KHDRBS2: variants seen among roughly 807,000 people sequenced by gnomAD.
The protein encoded by KHDRBS2 is KH domain-containing, RNA-binding, signal transduction-associated protein 2.
Under a neutral mutation model 44.3 loss-of-function variants are expected in KHDRBS2, and 26 were observed. The ratio of observed to expected loss-of-function variants is 0.59; its 90% CI spans 0.43 to 0.81. The LOEUF is 0.81. Ranked by LOEUF, KHDRBS2 falls within the 40% of genes least tolerant of loss-of-function variation. The pLI is 0.00. For synonymous variants in KHDRBS2, 194 were observed against 151.1 expected (o/e 1.28, Z -2.08); for missense variants, 476 against 433.1 (o/e 1.10, Z -0.88).
intron 6 of KHDRBS2, among the ~76,000 whole-genome samples, chr6:61,819,676 G>C (rs534211924): frequency 6.6e-5 from 10 of 151,974 alleles, no homozygotes; most frequent in Non-Finnish European, 8.8e-5. Context: ...TTCAATATTA[G>C]AGAAAGCAAA....
At chr6:62,025,166 G>A (rs1029556885) in intron 3 of KHDRBS2, among the ~76,000 whole-genome samples, 3 of 151,498 alleles carry the variant, frequency 2.0e-5, no homozygotes, top group African/African-American at 7.3e-5. Flanking sequence ...ATTTAATTTT[G>A]ACAGATTTTT....
At chr6:61,630,672 T>A in the KHDRBS2 span, among the ~76,000 whole-genome samples, 1 of 152,124 alleles carries the variant, frequency 6.6e-6, no homozygotes, top group African/African-American at 2.4e-5. Flanking sequence ...TGAGGTTTCC[T>A]AGGAGTCCTC....
chr6:61,705,786 G>A (rs1204142), intron 7 of KHDRBS2, among the ~76,000 whole-genome samples: 92,828 of 151,452 alleles, frequency 0.61, 29,664 homozygotes, highest in Non-Finnish European at 0.7. Flanking sequence ...ATGCTTCTCA[G>A]CACCCTCTCA....
chr6:62,213,347 A>C (rs1829411872), intron 1 of KHDRBS2, among the ~76,000 whole-genome samples: 1 of 152,032 alleles, frequency 6.6e-6, no homozygotes. Context: ...AGCGCAGAAT[A>C]TGAAAAAAAA....
chr6:62,079,522 T>C (rs1321522106), intron 2 of KHDRBS2, among the ~76,000 whole-genome samples: 3 of 152,090 alleles, frequency 2.0e-5, no homozygotes, highest in African/African-American at 2.4e-5. Flanking sequence ...AAAAACACTA[T>C]ACAATATTTG....
chr6:62,237,078 G>A (rs745672841), intron 1 of KHDRBS2, among the ~76,000 whole-genome samples: 16 of 152,102 alleles, frequency 1.1e-4, no homozygotes, highest in East Asian at 1.9e-4. Flanking sequence ...ACTAAATGAC[G>A]CAAGGTGGCT....
At chr6:61,607,519 G>GAAA in the KHDRBS2 span, among the ~76,000 whole-genome samples, 17 of 23,320 alleles carry the variant, frequency 7.3e-4, no homozygotes, top group African/African-American at 1.1e-3. Flanking sequence ...TGAGTTCCAA[G>GAAA]CAAAAAAAAA....
the KHDRBS2 span, among the ~76,000 whole-genome samples, chr6:61,650,601 T>G: frequency 1.4e-5 from 1 of 72,712 alleles, no homozygotes; most frequent in Admixed American, 1.5e-4. Flanking sequence ...CATGAAAAAC[T>G]TAATGCCTTT....
At chr6:62,129,979 T>G (rs990971864) in intron 2 of KHDRBS2, among the ~76,000 whole-genome samples, 4 of 152,212 alleles carry the variant, frequency 2.6e-5, no homozygotes, top group African/African-American at 9.6e-5. Flanking sequence ...AAAGAACACC[T>G]GTGCATCTTC....
In KHDRBS2 at chr6:61,726,089, A is replaced by C. The variant is rs543564964; in HGVS notation, c.893+6593T>G. Among the ~76,000 whole-genome samples the C allele has an allele frequency of 2.6e-5, 4 of 152,140 alleles. No individual in the cohort carries two copies. In the South Asian group the frequency reaches 8.3e-4, roughly 32 times the overall value. On this transcript the variant is annotated intron_variant, in intron 7 of 8. Transcript: ENST00000281156. ...ACTGAATCCAGCAGCACATCAAAAA[A>C]CTTATTTAACATGATCCAGTTGGCT...
chr6:61,952,485 A>G (rs76353002), intron 4 of KHDRBS2, among the ~76,000 whole-genome samples: 2,106 of 152,216 alleles, frequency 0.014, 38 homozygotes, highest in African/African-American at 0.044. Flanking sequence ...CAAAACTAAT[A>G]AGTACCATAC....
chr6:61,791,618 A>G (rs1784652553), intron 6 of KHDRBS2, among the ~76,000 whole-genome samples: 1 of 151,458 alleles, frequency 6.6e-6, no homozygotes, highest in Non-Finnish European at 1.5e-5. Flanking sequence ...ATCCTAAATG[A>G]ACGCATGCGC....
the KHDRBS2 span, among the ~76,000 whole-genome samples, chr6:61,554,106 G>T: frequency 6.6e-6 from 1 of 152,228 alleles, no homozygotes; most frequent in Non-Finnish European, 1.5e-5. Context: ...GGGTGTTAAA[G>T]TCTTCCAATA....
At chr6:62,182,403 T>A (rs1460757351) in intron 1 of KHDRBS2, among the ~76,000 whole-genome samples, 2 of 152,014 alleles carry the variant, frequency 1.3e-5, no homozygotes, top group Non-Finnish European at 2.9e-5. Context: ...ATAGTGCCTA[T>A]AGTTAACATT....
At chr6:61,729,617 T>A (rs979631243) in intron 7 of KHDRBS2, among the ~76,000 whole-genome samples, 35 of 152,300 alleles carry the variant, frequency 2.3e-4, no homozygotes, top group African/African-American at 7.9e-4. Flanking sequence ...TAATTCAATC[T>A]GTTTAATATT....
chr6:61,776,339 T>C (rs1343599404), intron 6 of KHDRBS2, among the ~76,000 whole-genome samples: 1 of 152,010 alleles, frequency 6.6e-6, no homozygotes, highest in Non-Finnish European at 1.5e-5. Context: ...GAAACTACCA[T>C]CAGAGTGAAC....
At chr6:62,144,953 C>T (rs1157711626) in intron 2 of KHDRBS2, among the ~76,000 whole-genome samples, 1 of 151,892 alleles carries the variant, frequency 6.6e-6, no homozygotes, top group Non-Finnish European at 1.5e-5. Flanking sequence ...TTGTTTTGAA[C>T]AGGATTCATA....
At chr6:62,271,546 A>T (rs1203260272) in intron 1 of KHDRBS2, among the ~76,000 whole-genome samples, 1 of 152,168 alleles carries the variant, frequency 6.6e-6, no homozygotes, top group Non-Finnish European at 1.5e-5. Flanking sequence ...ATCCATCAGG[A>T]GATATTCCAG....
chr6:61,874,098 T>A (rs1178352827), intron 6 of KHDRBS2, among the ~76,000 whole-genome samples: 1 of 152,124 alleles, frequency 6.6e-6, no homozygotes, highest in African/African-American at 2.4e-5. Context: ...GATTAATATA[T>A]TTTTATTGTT....
Sources: gnomAD v4.1 joint callset for allele counts (sites outside exome capture counted in the v4.1 genomes callset) on GRCh38, gnomAD v4.1.1 for gene constraint, MANE v1.5 for transcripts, NCBI Gene and HGNC (gene_info 2026-07-23, HGNC 2026-07-21) for gene names.